The following TGFBRAP1 variants were observed in gnomAD, a reference collection of about 807,000 sequenced individuals.
The protein encoded by TGFBRAP1 is transforming growth factor beta receptor associated protein 1, also known as transforming growth factor-beta receptor-associated protein 1.
In TGFBRAP1, 20 loss-of-function variants were observed where a neutral mutation model predicts 83.2. The observed-to-expected ratio is 0.24, with a 90% CI of 0.17 to 0.35. TGFBRAP1 has a LOEUF of 0.35. Among genes scored for constraint, TGFBRAP1 ranks in the 10% least tolerant of loss-of-function variants. The probability of loss-of-function intolerance (pLI) is 1.00; values close to 1 mark genes in which losing one functional copy is unlikely to be tolerated. For missense variants in TGFBRAP1, 950 were observed against 1,099.4 expected, an observed-to-expected ratio of 0.86 and a Z score of 1.92; for synonymous variants, 415 against 459.8, an observed-to-expected ratio of 0.90 and a Z score of 1.25.
chr2:105,251,122 G>C, the TGFBRAP1 span, among the ~76,000 whole-genome samples: 1 of 152,070 alleles, frequency 6.6e-6, no homozygotes, highest in Non-Finnish European at 1.5e-5. Context: ...CCCATCGTCT[G>C]AGATGTGGGG....
chr2:105,283,087 C>G (rs1474016060), intron 5 of TGFBRAP1, among the ~76,000 whole-genome samples: 2 of 152,172 alleles, frequency 1.3e-5, no homozygotes, highest in Non-Finnish European at 2.9e-5. Flanking sequence ...GTGAGGAGGT[C>G]TTCAACACTG....
chr2:105,280,525 T>C lies in TGFBRAP1; in HGVS notation c.1320A>G (p.Val440=). 1 of 1,614,208 alleles carries C rather than the reference T, an allele frequency of 6.2e-7. No homozygotes were observed. The highest frequency in any genetic ancestry group is 8.5e-7 in the Non-Finnish European group (1 of 1,180,028). Residue 440 remains valine (V), a synonymous_variant, in exon 6 of 12, where the codon GTA becomes GTG. Coordinates refer to ENST00000393359, the MANE Select transcript of TGFBRAP1 (RefSeq NM_004257.6). ...SYLNEVRSTE[V]ANGYKEDIDT... The stretch of plus-strand genomic sequence containing the variant: ...CGATGTCCTCCTTGTAGCCATTTGC[T>C]ACCTCTGTGCTGCGGACCTCGTTCA...
chr2:105,311,863 G>A (rs1678705760), intron 1 of TGFBRAP1, among the ~76,000 whole-genome samples: 2 of 151,470 alleles, frequency 1.3e-5, no homozygotes, highest in African/African-American at 2.4e-5. Context: ...AGCCGAGATC[G>A]TACCACTGCA....
chr2:105,296,368 C>A lies in TGFBRAP1; in HGVS notation c.1026G>T (p.Lys342Asn). ...LAKGARRNIP[K>N]EKFQVMYRRI... Reference sequence around the variant, plus strand: ...GTTAATTACAAACCTGAAATTTTTCCTTTGGAATGTTCCTCCGGGCTCCTT... The same window carrying A: ...GTTAATTACAAACCTGAAATTTTTCATTTGGAATGTTCCTCCGGGCTCCTT... Residue 342 changes from lysine to asparagine, a missense_variant, in exon 4 of 12, where the codon AAG (lysine) becomes AAT (asparagine). Physicochemically the swap from Lys to Asn is moderately conservative, Grantham distance 94. Transcript: ENST00000393359. 2 of 1,613,318 alleles carry A rather than the reference C, an allele frequency of 1.2e-6. No individual in the cohort carries two copies. Among genetic ancestry groups the A allele is most frequent in the Non-Finnish European group, 1.7e-6 (2 of 1,179,862 alleles).
At chr2:105,302,009 T>TAAAAAAAA (rs35548542) in intron 2 of TGFBRAP1, among the ~76,000 whole-genome samples, 2 of 75,108 alleles carry the variant, frequency 2.7e-5, no homozygotes, top group African/African-American at 1.0e-4. Flanking sequence ...TAAAGAATAC[T>TAAAAAAAA]AAAAAAAAAA....
intron 2 of TGFBRAP1, among the ~76,000 whole-genome samples, chr2:105,302,230 CT>C (rs1302247233): frequency 6.6e-6 from 1 of 152,152 alleles, no homozygotes; most frequent in Non-Finnish European, 1.5e-5. Context: ...GAAACAGGTA[CT>C]TTCATAGGTT....
chr2:105,299,175 G>T (rs530601801), intron 2 of TGFBRAP1, among the ~76,000 whole-genome samples: 1 of 152,086 alleles, frequency 6.6e-6, no homozygotes, highest in Non-Finnish European at 1.5e-5. Flanking sequence ...CAGCTACTCG[G>T]GAGGCTAAGG....
rs1676878815 is a variant in TGFBRAP1 at position 105,265,151 on chromosome 2, G to C, written c.*2232C>G. On this transcript the variant is annotated 3_prime_UTR_variant, in exon 12 of 12. Transcript: ENST00000393359. ...AGGATGACAAACATTTTAGAGTATT[G>C]ATCAATGTTCAGTGAAAAAATAAAA... The C allele has an allele frequency of 6.6e-6, 1 of 152,186 alleles. No individual in the cohort carries two copies. The highest frequency in any genetic ancestry group is 1.5e-5 in the Non-Finnish European group (1 of 68,038). The allele number at this position is 152,186 out of a possible 1,614,324, so 9.4% of individuals were successfully genotyped here. A position where few individuals can be genotyped will look rare whatever the true frequency, so the allele number is the denominator to read the frequency against.
chr2:105,250,298 A>G, the TGFBRAP1 span, among the ~76,000 whole-genome samples: 8 of 152,182 alleles, frequency 5.3e-5, no homozygotes, highest in Non-Finnish European at 1.2e-4. Context: ...ACTCCTGAAG[A>G]TCCCCAAGGT....
intron 2 of TGFBRAP1, among the ~76,000 whole-genome samples, chr2:105,306,972 T>C (rs1678520962): frequency 6.6e-6 from 1 of 152,058 alleles, no homozygotes; most frequent in African/African-American, 2.4e-5. Flanking sequence ...GGGATTCACA[T>C]CCAACACCGG....
At chr2:105,312,875 G>A (rs1558652521) in intron 1 of TGFBRAP1, among the ~76,000 whole-genome samples, 1 of 152,108 alleles carries the variant, frequency 6.6e-6, no homozygotes, top group East Asian at 1.9e-4. Context: ...ACTTTGGGAG[G>A]CCGAGGCAGG....
At chr2:105,304,499 C>T (rs1431136701) in intron 2 of TGFBRAP1, among the ~76,000 whole-genome samples, 1 of 152,154 alleles carries the variant, frequency 6.6e-6, no homozygotes, top group Non-Finnish European at 1.5e-5. Context: ...ATGCATATTA[C>T]CGGCTGGGCA....
intron 2 of TGFBRAP1, among the ~76,000 whole-genome samples, chr2:105,306,207 C>G (rs1422230063): frequency 6.6e-6 from 1 of 151,814 alleles, no homozygotes; most frequent in East Asian, 2.0e-4. Context: ...GGATTACAGG[C>G]ATGCACCACC....
chr2:105,305,597 T>A (rs905123544), intron 2 of TGFBRAP1, among the ~76,000 whole-genome samples: 1 of 152,188 alleles, frequency 6.6e-6, no homozygotes, highest in African/African-American at 2.4e-5. Context: ...AGAGAGAAAA[T>A]GTTATGGACA....
rs976680621 is a variant in TGFBRAP1, at chr2:105,294,773, T to C, written c.1038+1583A>G. Among the ~76,000 whole-genome samples the C allele has an allele frequency of 1.3e-5, 2 of 152,174 alleles. 1 individual carries two copies. The highest frequency in any genetic ancestry group is 1.3e-4 in the Admixed American group (2 of 15,292). ...TGTAGCTCTACCCTGGCAAAAAGCATAGGGAAGAAAAGAGCAAAAATCAGA... is the reference window on the plus strand; with the variant it reads ...TGTAGCTCTACCCTGGCAAAAAGCACAGGGAAGAAAAGAGCAAAAATCAGA... On this transcript the variant is annotated intron_variant, in intron 4 of 11. Coordinates refer to ENST00000393359, the MANE Select transcript of TGFBRAP1 (RefSeq NM_004257.6).
At chr2:105,259,878 A>G (rs1558805279), downstream of TGFBRAP1, among the ~76,000 whole-genome samples, 2 of 152,172 alleles carry the variant, frequency 1.3e-5, no homozygotes, top group Admixed American at 6.5e-5. Flanking sequence ...ACCACCTTAG[A>G]CCATTCATGA....
At chr2:105,300,583 T>G (rs1678253722) in intron 2 of TGFBRAP1, among the ~76,000 whole-genome samples, 1 of 151,898 alleles carries the variant, frequency 6.6e-6, no homozygotes, top group South Asian at 2.1e-4. Flanking sequence ...ATTACAGACA[T>G]GCACCACCAT....
At chr2:105,290,360 C>A (rs562795132) in intron 4 of TGFBRAP1, among the ~76,000 whole-genome samples, 1 of 152,302 alleles carries the variant, frequency 6.6e-6, no homozygotes, top group African/African-American at 2.4e-5. Context: ...AGTCGCTGCA[C>A]CTGGCCAGCA....
rs779014006 is a variant in TGFBRAP1 at position 105,269,657 on chromosome 2, C to T, written c.2021G>A (p.Gly674Glu). 1 of 1,585,968 alleles carries T rather than the reference C, an allele frequency of 6.3e-7. No homozygotes were observed. The highest frequency in any genetic ancestry group is 8.6e-7 in the Non-Finnish European group (1 of 1,163,118). The change falls in exon 11 of 12, where the codon GGG (glycine) becomes GAG (glutamate). Residue 674 changes from glycine (G) to glutamate (E), a missense_variant. Coordinates refer to ENST00000393359, the MANE Select transcript of TGFBRAP1 (RefSeq NM_004257.6). The surrounding 1 kb of genome is among the most constrained non-coding windows in gnomAD (Gnocchi z 4.1). ...GLPMESAILHGKLGEHEKALH... is the reference protein window; with the variant it reads ...GLPMESAILHEKLGEHEKALH... ...CGCCTTCTCATGCTCGCCCAGCTTC[C>T]CGTGCAGGATGGCGCTCTCCATGGG...
Sources: allele counts gnomAD v4.1 joint callset (sites outside exome capture counted in the v4.1 genomes callset), GRCh38; gene constraint gnomAD v4.1.1; non-coding constraint Gnocchi (gnomAD v3.1); transcripts MANE v1.5; gene names NCBI Gene and HGNC (gene_info 2026-07-23, HGNC 2026-07-21).